NOL4L: variants seen among roughly 807,000 people sequenced by gnomAD.
NOL4L encodes nucleolar protein 4 like.
A neutral mutation model predicts 64.5 loss-of-function variants in NOL4L; 7 were observed. The ratio of observed to expected loss-of-function variants is 0.11; its 90% CI spans 0.06 to 0.20. NOL4L has a LOEUF of 0.20. Among genes scored for constraint, NOL4L ranks in the 10% least tolerant of loss-of-function variants. The probability of loss-of-function intolerance (pLI) is 1.00; values close to 1 mark genes in which losing one functional copy is unlikely to be tolerated. For missense variants in NOL4L, 680 were observed against 967.1 expected, an observed-to-expected ratio of 0.70 and a Z score of 3.94; for synonymous variants, 413 against 401.0, an observed-to-expected ratio of 1.03 and a Z score of -0.36.
Position 32,464,213 on chromosome 20 carries a change from T to C in NOL4L, c.842-7818A>G, listed in dbSNP as rs1284505672. 6.6e-6 allele frequency among the ~76,000 whole-genome samples: 1 copy of C among 152,124 alleles called. No individual in the cohort carries two copies. Among genetic ancestry groups the C allele is most frequent in the Admixed American group, 6.5e-5 (1 of 15,282 alleles). Reference sequence around the variant, plus strand: ...CCCCAGGACTGGCCCCCTGCCTGCTTTGACAAAGGCCAGCGCCCAGGCTGT... The same window carrying C: ...CCCCAGGACTGGCCCCCTGCCTGCTCTGACAAAGGCCAGCGCCCAGGCTGT... On this transcript the variant is annotated intron_variant, in intron 5 of 10. Coordinates refer to ENST00000621426, the MANE Select transcript of NOL4L (RefSeq NM_001256798.2). The surrounding 1 kb of genome is among the most constrained non-coding windows in gnomAD (Gnocchi z 5.6).
chr20:32,456,458 G>A (rs535290095), intron 5 of NOL4L, 63 bp from the exon 6 acceptor site: 794 of 1,393,482 alleles, frequency 5.7e-4, no homozygotes, highest in Non-Finnish European at 7.1e-4. Flanking sequence ...CAGCCACCTC[G>A]GAGTATCCCA....
intron 10 of NOL4L, chr20:32,450,250 A>G (rs1172717968): frequency 6.6e-6 from 1 of 152,264 alleles, no homozygotes; most frequent in African/African-American, 2.4e-5. Context: ...GAGGTACCAA[A>G]CTGATTGAAC....
chr20:32,483,179 C>T (rs1054278026), intron 4 of NOL4L, among the ~76,000 whole-genome samples: 8 of 150,956 alleles, frequency 5.3e-5, no homozygotes, highest in Admixed American at 4.6e-4. Flanking sequence ...AGCCGCTCCC[C>T]CGCGCCCCCT....
intron 1 of NOL4L, among the ~76,000 whole-genome samples, chr20:32,583,500 CG>C (rs1980638060): frequency 7.4e-6 from 1 of 134,850 alleles, no homozygotes. Context: ...CGGCGCGGGG[CG>C]GCCCGGCTCT....
At chr20:32,534,169 G>A (rs2018436584) in intron 1 of NOL4L, among the ~76,000 whole-genome samples, 1 of 152,242 alleles carries the variant, frequency 6.6e-6, no homozygotes, top group South Asian at 2.1e-4. Flanking sequence ...TTGAGAGGAT[G>A]CGGCTAAATA....
rs139749775 is a variant in NOL4L at position 32,483,758 on chromosome 20, G to A, written c.700-9016C>T. 5.2e-3 allele frequency among the ~76,000 whole-genome samples: 703 copies of A among 134,262 alleles called. 9 individuals are homozygous for A. The highest frequency in any genetic ancestry group is 0.019 in the African/African-American group (672 of 35,128). The allele number at this position is 134,262 out of a possible 152,430, so 88.1% of individuals were successfully genotyped here. A position where few individuals can be genotyped will look rare whatever the true frequency, so the allele number is the denominator to read the frequency against. ...GCGGGTGAGAGGGAGGAGTGGGCACGGGGGGAAGGGGAGAGAGGAAAAGGA... is the reference window on the plus strand; with the variant it reads ...GCGGGTGAGAGGGAGGAGTGGGCACAGGGGGAAGGGGAGAGAGGAAAAGGA... On this transcript the variant is annotated intron_variant, in intron 4 of 10. Coordinates refer to ENST00000621426, the MANE Select transcript of NOL4L (RefSeq NM_001256798.2).
rs186684995 is a variant in NOL4L, at chr20:32,452,529, C to T, written c.1621-92G>A. 297 of 1,198,184 alleles carry T rather than the reference C, an allele frequency of 2.5e-4. No homozygotes were observed. In the African/African-American group the frequency reaches 3.9e-3, roughly 16 times the overall value. 74.2% of individuals were successfully genotyped at this position (1,198,184 alleles called of 1,614,324 possible). On this transcript the variant is annotated intron_variant, in intron 9 of 10. Transcript: ENST00000621426. ...CACAAGGTGGATAAATGCTGCGGCC[C>T]CAGGACTCCTGGGACCCAATGCTGC...
chr20:32,576,896 G>A (rs1022128339), intron 1 of NOL4L, among the ~76,000 whole-genome samples: 4 of 152,172 alleles, frequency 2.6e-5, no homozygotes, highest in Admixed American at 6.5e-5. Flanking sequence ...CACTAAAGGC[G>A]AGAGGGCACC....
At chr20:32,574,103 C>A (rs748304853) in intron 1 of NOL4L, among the ~76,000 whole-genome samples, 1 of 152,208 alleles carries the variant, frequency 6.6e-6, no homozygotes, top group Non-Finnish European at 1.5e-5. Context: ...GGGATCAAAG[C>A]AGGCAAGCCA....
At chr20:32,532,989 A>T (rs1179161658) in intron 1 of NOL4L, among the ~76,000 whole-genome samples, 2 of 152,202 alleles carry the variant, frequency 1.3e-5, no homozygotes, top group Non-Finnish European at 2.9e-5. Context: ...CAATAGTTTT[A>T]AAAATTTATG....
At chr20:32,553,240 G>C (rs940380978) in intron 1 of NOL4L, among the ~76,000 whole-genome samples, 2 of 152,090 alleles carry the variant, frequency 1.3e-5, no homozygotes, top group Admixed American at 1.3e-4. Flanking sequence ...CTGGATCACT[G>C]CAGCAGCCTC....
chr20:32,453,026 G>A lies in NOL4L; in HGVS notation c.1498-20C>T. The A allele has an allele frequency of 1.7e-5, 27 of 1,612,058 alleles. No homozygotes were observed. Among genetic ancestry groups the A allele is most frequent in the Non-Finnish European group, 2.2e-5 (26 of 1,179,950 alleles). Reference sequence around the variant, plus strand: ...TCTGGTCTGCAGGCAGAACGGGGATGGAGCTAGCATGGGGCCCGTGGGGGC... The same window carrying A: ...TCTGGTCTGCAGGCAGAACGGGGATAGAGCTAGCATGGGGCCCGTGGGGGC... On this transcript the variant is annotated intron_variant, in intron 8 of 10. Coordinates refer to ENST00000621426, the MANE Select transcript of NOL4L (RefSeq NM_001256798.2). The surrounding 1 kb of genome is among the most constrained non-coding windows in gnomAD (Gnocchi z 5.6).
At chr20:32,536,120 C>A (rs1429518860) in intron 1 of NOL4L, 10 of 985,516 alleles carry the variant, frequency 1.0e-5, no homozygotes, top group Non-Finnish European at 1.2e-5. Flanking sequence ...GTGTGGGAAC[C>A]CAAATGATGC....
chr20:32,469,074 G>C (rs1330599084), intron 5 of NOL4L, among the ~76,000 whole-genome samples: 2 of 152,104 alleles, frequency 1.3e-5, no homozygotes, highest in Non-Finnish European at 2.9e-5. Flanking sequence ...GACATGTATA[G>C]CTCTGGGCTC....
chr20:32,479,417 TCAA>T (rs1198049900), intron 4 of NOL4L, among the ~76,000 whole-genome samples: 1 of 152,160 alleles, frequency 6.6e-6, no homozygotes, highest in Non-Finnish European at 1.5e-5. Context: ...TTAACAAACT[TCAA>T]CAAAACTTAC....
intron 3 of NOL4L, among the ~76,000 whole-genome samples, chr20:32,516,602 T>G (rs547009858): frequency 5.4e-4 from 83 of 152,306 alleles, no homozygotes; most frequent in Non-Finnish European, 9.7e-4. Context: ...ACACTCTGGT[T>G]AGAGGCTCCC....
chr20:32,456,756 G>T (rs2013577018), intron 5 of NOL4L, among the ~76,000 whole-genome samples: 1 of 152,208 alleles, frequency 6.6e-6, no homozygotes, highest in African/African-American at 2.4e-5. Flanking sequence ...TCGAAGCCCG[G>T]CCAGGCTCTC....
Position 32,505,258 on chromosome 20 carries a change from G to T in NOL4L, c.699+6089C>A, listed in dbSNP as rs78739696. Among the ~76,000 whole-genome samples, 416 of 152,026 alleles carry T rather than the reference G, an allele frequency of 2.7e-3. 4 individuals carry two copies. The highest frequency in any genetic ancestry group is 9.6e-3 in the African/African-American group (398 of 41,474). On this transcript the variant is annotated intron_variant, in intron 4 of 10. Coordinates refer to ENST00000621426, the MANE Select transcript of NOL4L (RefSeq NM_001256798.2). Reference sequence around the variant, plus strand: ...TTCTGGGCAGGGGGGAGATTGAGAGGGTTCATAAGAAAGAGAAAAGATAAT... The same window carrying T: ...TTCTGGGCAGGGGGGAGATTGAGAGTGTTCATAAGAAAGAGAAAAGATAAT...
intron 5 of NOL4L, among the ~76,000 whole-genome samples, chr20:32,458,709 G>A (rs546948151): frequency 6.6e-6 from 1 of 152,352 alleles, no homozygotes; most frequent in East Asian, 1.9e-4. Context: ...CTGGAATGAG[G>A]GGCTGCTCCT....
Sources: gnomAD v4.1 joint callset for allele counts (sites outside exome capture counted in the v4.1 genomes callset) on GRCh38, gnomAD v4.1.1 for gene constraint, Gnocchi (gnomAD v3.1) non-coding constraint, MANE v1.5 for transcripts, NCBI Gene and HGNC (gene_info 2026-07-23, HGNC 2026-07-21) for gene names.